SETDB1: variants seen among roughly 807,000 people sequenced by gnomAD.
The protein encoded by SETDB1 is histone-lysine N-methyltransferase SETDB1.
In SETDB1, 31 loss-of-function variants were observed where a neutral mutation model predicts 137.4. The observed-to-expected ratio is 0.23, with a 90% confidence interval of 0.17 to 0.30. The LOEUF (loss-of-function observed/expected upper bound fraction) is 0.30, where lower values mean the gene tolerates loss of function less well. Among genes scored for constraint, SETDB1 ranks in the 10% least tolerant of loss-of-function variants. SETDB1 has a pLI of 1.00. For synonymous variants in SETDB1, 548 were observed against 579.9 expected (o/e 0.95, Z 0.79); for missense variants, 1,113 against 1,631.5 (o/e 0.68, Z 5.47).
intron 10 of SETDB1, 106 bp downstream of exon 10, chr1:150,947,118 T>C: frequency 2.2e-6 from 3 of 1,333,528 alleles, no homozygotes; most frequent in Non-Finnish European, 2.1e-6. Flanking sequence ...TGTATACTCA[T>C]TGGAAACAGG....
At chr1:150,931,381 C>G (rs1199702392) in intron 3 of SETDB1, among the ~76,000 whole-genome samples, 1 of 150,752 alleles carries the variant, frequency 6.6e-6, no homozygotes, top group African/African-American at 2.4e-5. Context: ...GTCAGGAGAT[C>G]CAGACCATCC....
chr1:150,937,731 C>T (rs1033703300), intron 3 of SETDB1, among the ~76,000 whole-genome samples: 9 of 152,082 alleles, frequency 5.9e-5, no homozygotes, highest in Admixed American at 4.6e-4. Flanking sequence ...TTACCATAAC[C>T]CACCCACTGC....
Position 150,964,590 on chromosome 1 carries a change from C to G in SETDB1, c.*226C>G. On this transcript the variant is annotated 3_prime_UTR_variant, in exon 22 of 22. Coordinates refer to ENST00000692827, the MANE Select transcript of SETDB1 (RefSeq NM_001366418.1). ...TAAAGGGTGGGGAGAGATCACCACTCTAACCTCGGCCTGACATCCCTCCCA... is the reference window on the plus strand; with the variant it reads ...TAAAGGGTGGGGAGAGATCACCACTGTAACCTCGGCCTGACATCCCTCCCA... 1.2e-5 allele frequency: 8 copies of G among 680,798 alleles called. No individual in the cohort carries two copies. Among genetic ancestry groups the G allele is most frequent in the Non-Finnish European group, 2.1e-5 (8 of 372,522 alleles). The allele number at this position is 680,798 out of a possible 1,614,324, so 42.2% of individuals were successfully genotyped here.
chr1:150,962,622 C>T lies in SETDB1; in HGVS notation c.3197C>T (p.Pro1066Leu), dbSNP rs749874049. The change falls in exon 18 of 22, where the codon CCT becomes CTT. Residue 1066 changes from proline to leucine, a missense_variant. By Grantham distance (98) the Pro-to-Leu change is moderately conservative. Transcript: ENST00000692827. Reference protein sequence around the residue: ...TESSRNYGYNPSPVKPEGLRR... With the variant: ...TESSRNYGYNLSPVKPEGLRR... ...AGCTCTCGAAATTACGGTTACAATC[C>T]TTCTCCTGTGAAGCCTGAAGGACTT... 6 of 1,613,956 alleles carry T rather than the reference C, an allele frequency of 3.7e-6. No homozygotes were observed. The East Asian group carries it at 1.1e-4, about 30-fold the overall frequency.
At chr1:150,945,167 C>T in intron 9 of SETDB1, 59 bp downstream of exon 9, 1 of 1,605,098 alleles carries the variant, frequency 6.2e-7, no homozygotes, top group South Asian at 1.1e-5. Context: ...ACTTAAGAAG[C>T]AGTAATGAGG....
chr1:150,936,179 CAG>C (rs1669940714), intron 3 of SETDB1, among the ~76,000 whole-genome samples: 1 of 151,938 alleles, frequency 6.6e-6, no homozygotes, highest in South Asian at 2.1e-4. Flanking sequence ...TTAGTAGAGA[CAG>C]GGTTTCACCA....
chr1:150,955,684 C>T (rs587599498), intron 14 of SETDB1, among the ~76,000 whole-genome samples: 1 of 152,320 alleles, frequency 6.6e-6, no homozygotes, highest in South Asian at 2.1e-4. Context: ...CTTTTGTTGA[C>T]TTGTTTTTCT....
chr1:150,956,091 C>CAA (rs3975893), intron 14 of SETDB1, among the ~76,000 whole-genome samples: 6 of 101,174 alleles, frequency 5.9e-5, no homozygotes, highest in South Asian at 3.4e-4. Context: ...GACTTCGTCT[C>CAA]AAAAAAAAAA....
chr1:150,938,007 A>G (rs1411921270), intron 3 of SETDB1, among the ~76,000 whole-genome samples: 1 of 152,124 alleles, frequency 6.6e-6, no homozygotes, highest in Non-Finnish European at 1.5e-5. Flanking sequence ...AGGTGGGTGG[A>G]TCACGAAGTC....
chr1:150,936,922 C>T (rs1307171063), intron 3 of SETDB1, among the ~76,000 whole-genome samples: 4 of 152,042 alleles, frequency 2.6e-5, no homozygotes, highest in African/African-American at 7.2e-5. Context: ...GTCAGGAGTT[C>T]GAGACCAGCC....
At chr1:150,933,994 A>G (rs1669867327) in intron 3 of SETDB1, among the ~76,000 whole-genome samples, 1 of 151,216 alleles carries the variant, frequency 6.6e-6, no homozygotes, top group Non-Finnish European at 1.5e-5. Context: ...TGTTGGTCAG[A>G]TTGATCTCAA....
intron 9 of SETDB1, among the ~76,000 whole-genome samples, chr1:150,946,278 C>G (rs1392262848): frequency 1.3e-5 from 2 of 152,006 alleles, no homozygotes; most frequent in Admixed American, 1.3e-4. Flanking sequence ...CTCATCCTTT[C>G]GACATACCAG....
At chr1:150,962,905 G>C in intron 18 of SETDB1, 69 bp from the exon 19 acceptor site, 1 of 1,559,790 alleles carries the variant, frequency 6.4e-7, no homozygotes, top group Non-Finnish European at 8.7e-7. Context: ...CAAACCGTGG[G>C]TAACAGCAAG....
chr1:150,960,858 G>C lies in SETDB1; in HGVS notation c.2799G>C (p.Arg933=), dbSNP rs763142602. The C allele has an allele frequency of 6.2e-7, 1 of 1,606,414 alleles. No individual in the cohort carries two copies. Among genetic ancestry groups the C allele is most frequent in the South Asian group, 1.1e-5 (1 of 89,818 alleles). Residue 933 remains arginine (R), a synonymous_variant, in exon 16 of 22, where the codon CGG becomes CGC. Transcript: ENST00000692827. ...GCTATGCTACCCGGAGGCAGACCCG[G>C]GGCCAGAAAGAGAACGGACTCTCTG... ...WRSYATRRQT[R]GQKENGLSET...
At chr1:150,929,907 T>G (rs1669671325) in intron 2 of SETDB1, 60 bp from the exon 3 acceptor site, 6 of 1,401,442 alleles carry the variant, frequency 4.3e-6, no homozygotes, top group Non-Finnish European at 5.0e-6. Flanking sequence ...TCGTAATGGA[T>G]TCTATATCTC....
At chr1:150,943,173 C>T in intron 7 of SETDB1, 120 bp downstream of exon 7, 1 of 674,952 alleles carries the variant, frequency 1.5e-6, no homozygotes, top group Non-Finnish European at 2.6e-6. Context: ...GGACTGAAAC[C>T]CTTACTCTTT....
At position 150,960,851 on chromosome 1, in the gene SETDB1, A is replaced by T; in HGVS notation, c.2792A>T (p.Gln931Leu). 1 of 1,605,348 alleles carries T rather than the reference A, an allele frequency of 6.2e-7. No homozygotes were observed. Residue 931 changes from glutamine (Q) to leucine (L), a missense_variant, in exon 16 of 22, where the codon CAG becomes CTG. Gln to Leu is a moderately radical substitution (Grantham distance 113, BLOSUM62 -2). This residue lies in a region of SETDB1 where 373 missense variants were observed against 412.7 expected (regional missense o/e 0.90). Transcript: ENST00000692827. ...SVWRSYATRR[Q>L]TRGQKENGLS... The stretch of plus-strand genomic sequence containing the variant: ...TGGCGGAGCTATGCTACCCGGAGGC[A>T]GACCCGGGGCCAGAAAGAGAACGGA...
At chr1:150,961,226 T>C (rs1571662732) in intron 16 of SETDB1, 35 bp downstream of exon 16, 1 of 1,602,394 alleles carries the variant, frequency 6.2e-7, no homozygotes, top group Non-Finnish European at 8.5e-7. Context: ...GAGCTATGGC[T>C]TTAACTTTGG....
intron 9 of SETDB1, among the ~76,000 whole-genome samples, chr1:150,946,529 A>G (rs1571644743): frequency 6.6e-6 from 1 of 151,494 alleles, no homozygotes; most frequent in South Asian, 2.1e-4. Flanking sequence ...GCTCACCACA[A>G]CCTCCGCCTC....
Sources: allele counts gnomAD v4.1 joint callset (sites outside exome capture counted in the v4.1 genomes callset), GRCh38; gene constraint gnomAD v4.1.1; regional missense constraint gnomAD v4.1.1; transcripts MANE v1.5; gene names NCBI Gene and HGNC (gene_info 2026-07-23, HGNC 2026-07-21).